RCC2: variants seen among roughly 807,000 people sequenced by gnomAD.
The protein encoded by RCC2 is protein RCC2.
In RCC2, 19 loss-of-function variants were observed where a neutral mutation model predicts 64.1. The ratio of observed to expected loss-of-function variants is 0.30; its 90% CI spans 0.21 to 0.44. RCC2 has a LOEUF of 0.44. RCC2 is among the 20% of genes least tolerant of loss of function. The probability of loss-of-function intolerance (pLI) is 1.00; values close to 1 mark genes in which losing one functional copy is unlikely to be tolerated. For missense variants in RCC2, 508 were observed against 710.4 expected, an observed-to-expected ratio of 0.72 and a Z score of 3.24; for synonymous variants, 325 against 279.6, an observed-to-expected ratio of 1.16 and a Z score of -1.62.
At chr1:17,431,499 C>CAAAAAAAAA (rs558362245) in intron 2 of RCC2, among the ~76,000 whole-genome samples, 8 of 57,898 alleles carry the variant, frequency 1.4e-4, no homozygotes, top group Non-Finnish European at 1.8e-4. Context: ...AGCCCTGTCT[C>CAAAAAAAAA]AAAAAAAAAA....
chr1:17,432,720 A>C (rs979142827), intron 2 of RCC2, among the ~76,000 whole-genome samples: 1 of 152,242 alleles, frequency 6.6e-6, no homozygotes, highest in Non-Finnish European at 1.5e-5. Flanking sequence ...GGTGACCTGG[A>C]CATTTGGTCA....
At chr1:17,411,327 A>T (rs957156196) in intron 11 of RCC2, among the ~76,000 whole-genome samples, 1 of 152,230 alleles carries the variant, frequency 6.6e-6, no homozygotes, top group Non-Finnish European at 1.5e-5. Flanking sequence ...CTGTAATCCC[A>T]GCACTTTGGG....
At position 17,408,730 on chromosome 1, in the gene RCC2, T is replaced by C. The variant is rs1402794170; in HGVS notation, c.*360A>G. The C allele has an allele frequency of 5.2e-6, 1 of 193,994 alleles. No homozygotes were observed. The highest frequency in any genetic ancestry group is 1.2e-4 in the South Asian group (1 of 8,308). The allele number at this position is 193,994 out of a possible 1,614,324, so 12.0% of individuals were successfully genotyped here. ...GCATCTGCTTGGATCACGATGCTAA[T>C]TGTAACTGGAAAGGGGTGTTTTGGG... On this transcript the variant is annotated 3_prime_UTR_variant, in exon 13 of 13. Coordinates refer to ENST00000375436, the MANE Select transcript of RCC2 (RefSeq NM_018715.4).
rs1460176325 is a variant in RCC2 at position 17,427,389 on chromosome 1, G to T, written c.380-1705C>A. Among the ~76,000 whole-genome samples the T allele has an allele frequency of 3.3e-5, 5 of 152,290 alleles. No homozygotes were observed. In the East Asian group the frequency reaches 7.7e-4, roughly 24 times the overall value. On this transcript the variant is annotated intron_variant, in intron 3 of 12. Coordinates refer to ENST00000375436, the MANE Select transcript of RCC2 (RefSeq NM_018715.4). The stretch of plus-strand genomic sequence containing the variant: ...CAGCACACCTGCAGACACCTCCCCT[G>T]AAAGGAGGAAGAGGAACATCAACAA...
intron 8 of RCC2, among the ~76,000 whole-genome samples, chr1:17,415,941 T>C (rs2075478097): frequency 6.6e-6 from 1 of 151,456 alleles, no homozygotes; most frequent in East Asian, 1.9e-4. Context: ...TGGTGGCGCA[T>C]GCCTGTAATC....
Position 17,419,014 on chromosome 1 carries a change from G to C in RCC2, c.859+1700C>G, listed in dbSNP as rs80278291. ...AAGCTACTCCAGAAAACATCGAACA[G>C]CGGGCTTCCCTGTCCCTCTAGAGGG... On this transcript the variant is annotated intron_variant, in intron 7 of 12. Transcript: ENST00000375436. Among the ~76,000 whole-genome samples, 9 of 152,286 alleles carry C rather than the reference G, an allele frequency of 5.9e-5. 1 individual carries two copies. Among genetic ancestry groups the C allele is most frequent in the African/African-American group, 1.9e-4 (8 of 41,558 alleles).
At chr1:17,412,301 C>G in intron 10 of RCC2, 107 bp from the exon 11 acceptor site, 1 of 973,276 alleles carries the variant, frequency 1.0e-6, no homozygotes, top group South Asian at 1.4e-5. Flanking sequence ...CCTTGGCGTA[C>G]TCATTCCAAG....
rs1553158435 is a variant in RCC2 at position 17,431,333 on chromosome 1, C to CAAAAAAAAATAAAAAATAA, written c.286-2135_286-2134insTTATTTTTTATTTTTTTTT. On this transcript the variant is annotated intron_variant, in intron 2 of 12. Transcript: ENST00000375436. ...TGGGCGACTGAGCAAGACTCCATCT[C>CAAAAAAAAATAAAAAATAA]AAAAAAAAAAAAAAAAAAAAAAAAA... Among the ~76,000 whole-genome samples, 2 of 9,660 alleles carry CAAAAAAAAATAAAAAATAA rather than the reference C, an allele frequency of 2.1e-4. 1 individual carries two copies. The highest frequency in any genetic ancestry group is 6.3e-3 in the East Asian group (2 of 316). 6.3% of individuals were successfully genotyped at this position (9,660 alleles called of 152,430 possible).
At chr1:17,417,715 T>C (rs1378691866) in intron 7 of RCC2, among the ~76,000 whole-genome samples, 2 of 152,076 alleles carry the variant, frequency 1.3e-5, no homozygotes, top group African/African-American at 4.8e-5. Flanking sequence ...CTTGTTGTTA[T>C]CAGTTTGTAA....
At chr1:17,426,071 C>T (rs924708539) in intron 3 of RCC2, among the ~76,000 whole-genome samples, 5 of 152,166 alleles carry the variant, frequency 3.3e-5, no homozygotes, top group Non-Finnish European at 7.4e-5. Context: ...GGAGTGCTGG[C>T]TTTCCACAGC....
At chr1:17,419,303 G>C (rs1056732776) in intron 7 of RCC2, among the ~76,000 whole-genome samples, 1 of 152,172 alleles carries the variant, frequency 6.6e-6, no homozygotes, top group Non-Finnish European at 1.5e-5. Flanking sequence ...AGGTTGCAGT[G>C]AACTGAGATC....
chr1:17,416,669 C>A, intron 7 of RCC2, 23 bp from the exon 8 acceptor site: 2 of 1,593,258 alleles, frequency 1.3e-6, no homozygotes, highest in Non-Finnish European at 8.6e-7. Context: ...CAGAGCCGGC[C>A]ATCAGCAGCA....
At chr1:17,411,946 G>T (rs919899615) in intron 11 of RCC2, among the ~76,000 whole-genome samples, 176 bp downstream of exon 11, 1 of 152,228 alleles carries the variant, frequency 6.6e-6, no homozygotes, top group Admixed American at 6.5e-5. Context: ...GACTAGCACA[G>T]AATTGTCCTT....
intron 7 of RCC2, among the ~76,000 whole-genome samples, chr1:17,417,199 C>T (rs2075497019): frequency 6.6e-6 from 1 of 152,226 alleles, no homozygotes; most frequent in South Asian, 2.1e-4. Context: ...GCAATTCCCA[C>T]ACTCCGAATG....
At chr1:17,422,380 A>G (rs937659367) in intron 5 of RCC2, 89 bp from the exon 6 acceptor site, 48 of 1,242,126 alleles carry the variant, frequency 3.9e-5, no homozygotes, top group Middle Eastern at 5.5e-4. Context: ...AATAATAAAA[A>G]CAGCTCATTT....
chr1:17,407,637 G>A lies in RCC2; in HGVS notation c.*1453C>T, dbSNP rs1192199224. On this transcript the variant is annotated 3_prime_UTR_variant, in exon 13 of 13. Transcript: ENST00000375436. ...AGGAGCGACTGGGGTGGAAAATAGGGAAAAAAGCAACAACAACTACATCAT... is the reference window on the plus strand; with the variant it reads ...AGGAGCGACTGGGGTGGAAAATAGGAAAAAAAGCAACAACAACTACATCAT... 5 of 152,000 alleles carry A rather than the reference G, an allele frequency of 3.3e-5. No homozygotes were observed. The highest frequency in any genetic ancestry group is 1.2e-4 in the African/African-American group (5 of 41,270). The allele number at this position is 152,000 out of a possible 1,614,324, so 9.4% of individuals were successfully genotyped here.
intron 8 of RCC2, among the ~76,000 whole-genome samples, chr1:17,415,713 TA>T (rs1020897903): frequency 1.7e-3 from 233 of 140,418 alleles, no homozygotes; most frequent in Middle Eastern, 7.9e-3. Flanking sequence ...CCGCCTCAAA[TA>T]AAAAAAAAAA....
At chr1:17,434,404 A>C (rs1236871629) in intron 2 of RCC2, among the ~76,000 whole-genome samples, 2 of 152,216 alleles carry the variant, frequency 1.3e-5, no homozygotes, top group Non-Finnish European at 2.9e-5. Flanking sequence ...GCTTGTGGAG[A>C]GCTGAACATG....
intron 7 of RCC2, among the ~76,000 whole-genome samples, chr1:17,419,099 A>G (rs2075522629): frequency 6.6e-6 from 1 of 152,224 alleles, no homozygotes; most frequent in South Asian, 2.1e-4. Flanking sequence ...TCATGCCTGT[A>G]ATCCCAACAC....
Sources: gnomAD v4.1 joint callset for allele counts (sites outside exome capture counted in the v4.1 genomes callset) on GRCh38, gnomAD v4.1.1 for gene constraint, MANE v1.5 for transcripts, NCBI Gene and HGNC (gene_info 2026-07-23, HGNC 2026-07-21) for gene names.